The following AFMID variants were observed in gnomAD, a reference collection of about 807,000 sequenced individuals.
AFMID encodes kynurenine formamidase.
A neutral mutation model predicts 47.5 loss-of-function variants in AFMID; 39 were observed. The observed-to-expected ratio is 0.82, with a 90% confidence interval of 0.64 to 1.07. The LOEUF is 1.07. Among genes scored for constraint, AFMID ranks in the 50% least tolerant of loss-of-function variants. The probability of loss-of-function intolerance (pLI) is 0.00; values close to 1 mark genes in which losing one functional copy is unlikely to be tolerated. For missense variants in AFMID, 375 were observed against 387.5 expected (o/e 0.97, Z 0.27); for synonymous variants, 130 against 153.2 (o/e 0.85, Z 1.12).
intron 1 of AFMID, among the ~76,000 whole-genome samples, chr17:78,190,064 T>G (rs2075921683): frequency 6.6e-6 from 1 of 151,712 alleles, no homozygotes; most frequent in Non-Finnish European, 1.5e-5. Flanking sequence ...ACTCCTGACC[T>G]CGTGATCCCG....
chr17:78,190,912 A>G, intron 1 of AFMID, 58 bp from the exon 2 acceptor site: 4 of 1,492,178 alleles, frequency 2.7e-6, no homozygotes, highest in African/African-American at 1.4e-5. Flanking sequence ...GGCGAGGGGG[A>G]GGGGCACACT....
At chr17:78,196,299 A>C (rs1202278692) in intron 2 of AFMID, among the ~76,000 whole-genome samples, 1 of 152,230 alleles carries the variant, frequency 6.6e-6, no homozygotes, top group Admixed American at 6.5e-5. Flanking sequence ...CAGGAGGCAG[A>C]GGTTGCAATG....
intron 2 of AFMID, among the ~76,000 whole-genome samples, chr17:78,192,197 G>A (rs1383493271): frequency 2.8e-5 from 4 of 144,930 alleles, no homozygotes; most frequent in African/African-American, 1.0e-4. Flanking sequence ...TTTTAGTAGA[G>A]ATATGGTTTC....
chr17:78,192,331 T>TTTTTA (rs2075993004), intron 2 of AFMID, among the ~76,000 whole-genome samples: 3 of 143,956 alleles, frequency 2.1e-5, no homozygotes, highest in African/African-American at 2.6e-5. Context: ...TTTTTTTTTT[T>TTTTTA]GAGACGGAGT....
chr17:78,196,082 G>C (rs545867135), intron 2 of AFMID, among the ~76,000 whole-genome samples: 22 of 152,274 alleles, frequency 1.4e-4, no homozygotes, highest in African/African-American at 5.1e-4. Flanking sequence ...TTCTAACCCA[G>C]GCTGGGCTCC....
rs181773586 is a variant in AFMID at position 78,188,652 on chromosome 17, A to G, written c.63+1219A>G. Among the ~76,000 whole-genome samples the G allele has an allele frequency of 7.7e-4, 116 of 151,548 alleles. 1 individual carries two copies. Among genetic ancestry groups the G allele is most frequent in the Middle Eastern group, 3.4e-3 (1 of 292 alleles). The stretch of plus-strand genomic sequence containing the variant: ...CGCTCTATCGCCCAGGCTGGAGTGC[A>G]GTGGCGCGATCTGGGCTCACTGCAA... On this transcript the variant is annotated intron_variant, in intron 1 of 10. Transcript: ENST00000409257.
At chr17:78,190,786 T>C (rs993828875) in intron 1 of AFMID, 184 bp from the exon 2 acceptor site, 4 of 560,880 alleles carry the variant, frequency 7.1e-6, no homozygotes, top group Non-Finnish European at 1.3e-5. Context: ...GGCTGCCAGC[T>C]GGCTAAAGGC....
At chr17:78,199,703 C>T (rs1429396212) in intron 2 of AFMID, among the ~76,000 whole-genome samples, 1 of 152,106 alleles carries the variant, frequency 6.6e-6, no homozygotes, top group African/African-American at 2.4e-5. Flanking sequence ...CTGCTGTGGC[C>T]ACCAAGGCTG....
At chr17:78,187,542 C>A in intron 1 of AFMID, 109 bp downstream of exon 1, 1 of 1,260,632 alleles carries the variant, frequency 7.9e-7, no homozygotes, top group Non-Finnish European at 1.1e-6. Context: ...CTCCTGTGGG[C>A]ATGCAGAGCG....
intron 2 of AFMID, among the ~76,000 whole-genome samples, chr17:78,202,157 G>A (rs1239208648): frequency 2.0e-5 from 3 of 151,328 alleles, no homozygotes; most frequent in Admixed American, 1.3e-4. Context: ...GGGCACAGTG[G>A]CTCATGCCTG....
intron 2 of AFMID, 128 bp from the exon 3 acceptor site, chr17:78,202,371 G>A (rs2076266386): frequency 2.6e-5 from 21 of 822,682 alleles, no homozygotes; most frequent in Non-Finnish European, 3.8e-5. Flanking sequence ...GGAGATTGCA[G>A]TGAGCCGAGA....
chr17:78,199,725 G>A (rs2076201771), intron 2 of AFMID, among the ~76,000 whole-genome samples: 1 of 152,146 alleles, frequency 6.6e-6, no homozygotes, highest in South Asian at 2.1e-4. Flanking sequence ...GGACCAGGGG[G>A]CCTCCAGGGA....
At chr17:78,197,463 G>T in intron 2 of AFMID, 1 of 422,766 alleles carries the variant, frequency 2.4e-6, no homozygotes, top group Non-Finnish European at 4.2e-6. Context: ...TGGCAGGTCT[G>T]CAGCCCTGGG....
chr17:78,202,852 C>T, intron 4 of AFMID, 101 bp downstream of exon 4: 1 of 1,382,710 alleles, frequency 7.2e-7, no homozygotes, highest in Non-Finnish European at 1.0e-6. Context: ...ACAAGCTGGG[C>T]ACTCCTTGCA....
chr17:78,189,441 T>C (rs1287622649), intron 1 of AFMID, among the ~76,000 whole-genome samples: 1 of 151,588 alleles, frequency 6.6e-6, no homozygotes, highest in African/African-American at 2.4e-5. Flanking sequence ...CAGGATGGTC[T>C]CGAACTCCTG....
chr17:78,203,059 T>C (rs1320405620), intron 4 of AFMID: 42 of 191,444 alleles, frequency 2.2e-4, no homozygotes, highest in East Asian at 7.9e-4. Context: ...CTCTCTCTTT[T>C]TTTTTTTTTT....
At chr17:78,190,930 G>T in intron 1 of AFMID, 40 bp from the exon 2 acceptor site, 1 of 1,590,444 alleles carries the variant, frequency 6.3e-7, no homozygotes, top group South Asian at 1.1e-5. Context: ...ACTCTGTTGA[G>T]AAGGAAAGTC....
chr17:78,206,696 CCTT>C (rs374993010), intron 10 of AFMID, among the ~76,000 whole-genome samples: 10 of 151,472 alleles, frequency 6.6e-5, no homozygotes, highest in East Asian at 1.9e-4. Context: ...CCCTACCCCC[CCTT>C]CTTCTTCTTC....
chr17:78,206,148 C>A, intron 10 of AFMID, 98 bp downstream of exon 10: 2 of 998,892 alleles, frequency 2.0e-6, no homozygotes, highest in Non-Finnish European at 3.1e-6. Context: ...CCAGCCTGGC[C>A]AACATGGAGA....
Sources: gnomAD v4.1 joint callset for allele counts (sites outside exome capture counted in the v4.1 genomes callset) on GRCh38, gnomAD v4.1.1 for gene constraint, MANE v1.5 for transcripts, NCBI Gene and HGNC (gene_info 2026-07-23, HGNC 2026-07-21) for gene names.